Variants in FBXL7 observed in about 807,000 individuals in gnomAD.
FBXL7 encodes the protein F-box/LRR-repeat protein 7.
In FBXL7, 12 loss-of-function variants were observed where a neutral mutation model predicts 38.3. The observed-to-expected ratio is 0.31, with a 90% CI of 0.20 to 0.51. The LOEUF (loss-of-function observed/expected upper bound fraction) is 0.51. Ranked by LOEUF, FBXL7 falls within the 20% of genes least tolerant of loss-of-function variation. The pLI is 0.98. For missense variants in FBXL7, 567 were observed against 676.4 expected, an observed-to-expected ratio of 0.84 and a Z score of 1.79; for synonymous variants, 297 against 300.9, an observed-to-expected ratio of 0.99 and a Z score of 0.13.
intron 2 of FBXL7, among the ~76,000 whole-genome samples, chr5:15,861,115 G>A (rs1275243376): frequency 6.6e-6 from 1 of 152,130 alleles, no homozygotes; most frequent in African/African-American, 2.4e-5. Context: ...CAAGATAATA[G>A]GTGGTTTCTT....
chr5:15,809,239 G>A (rs2126750750), intron 2 of FBXL7, among the ~76,000 whole-genome samples: 1 of 152,268 alleles, frequency 6.6e-6, no homozygotes, highest in African/African-American at 2.4e-5. Flanking sequence ...TTTGAACGTT[G>A]AACTTTGGGA....
intron 2 of FBXL7, among the ~76,000 whole-genome samples, chr5:15,714,835 C>A (rs1213429753): frequency 8.6e-6 from 1 of 115,936 alleles, no homozygotes; most frequent in African/African-American, 3.4e-5. Flanking sequence ...GGCAACAGAG[C>A]GAGAGTCCGT....
chr5:15,861,846 T>C (rs1282317082), intron 2 of FBXL7, among the ~76,000 whole-genome samples: 1 of 152,212 alleles, frequency 6.6e-6, no homozygotes, highest in East Asian at 1.9e-4. Flanking sequence ...ATATCCGCCA[T>C]ATTCCAACTC....
chr5:15,660,417 C>T (rs577810039), intron 2 of FBXL7, among the ~76,000 whole-genome samples: 59 of 152,312 alleles, frequency 3.9e-4, no homozygotes, highest in Admixed American at 1.0e-3. Context: ...AGTGCAATGG[C>T]GTGGTCTCGG....
intron 1 of FBXL7, among the ~76,000 whole-genome samples, chr5:15,522,586 G>T (rs1407325898): frequency 6.6e-6 from 1 of 152,168 alleles, no homozygotes; most frequent in African/African-American, 2.4e-5. Context: ...ACTGCCCCAG[G>T]TCTCTGTGTA....
intron 2 of FBXL7, among the ~76,000 whole-genome samples, chr5:15,815,278 G>A (rs1452528779): frequency 1.3e-5 from 2 of 152,102 alleles, no homozygotes; most frequent in Non-Finnish European, 2.9e-5. Context: ...CTTCTTGGAG[G>A]CAAGGAAACA....
chr5:15,666,938 G>C (rs1187329017), intron 2 of FBXL7, among the ~76,000 whole-genome samples: 1 of 152,164 alleles, frequency 6.6e-6, no homozygotes, highest in Non-Finnish European at 1.5e-5. Context: ...TTATTAGTGT[G>C]ACGTCAAGTT....
intron 2 of FBXL7, among the ~76,000 whole-genome samples, chr5:15,800,187 G>C (rs1737525166): frequency 6.6e-6 from 1 of 152,202 alleles, no homozygotes; most frequent in Admixed American, 6.5e-5. Flanking sequence ...AGTGGAAGTA[G>C]ATTGATTTTG....
chr5:15,896,155 T>C (rs1274210398), intron 2 of FBXL7, among the ~76,000 whole-genome samples: 1 of 151,792 alleles, frequency 6.6e-6, no homozygotes, highest in Non-Finnish European at 1.5e-5. Context: ...CTCCCAAGTA[T>C]GTGGGATTAC....
intron 2 of FBXL7, among the ~76,000 whole-genome samples, chr5:15,722,405 C>G (rs987806502): frequency 6.6e-6 from 1 of 152,152 alleles, no homozygotes; most frequent in East Asian, 1.9e-4. Flanking sequence ...CACGTCCAGG[C>G]TCCACCCTCC....
intron 2 of FBXL7, among the ~76,000 whole-genome samples, chr5:15,645,348 T>C (rs1741497103): frequency 6.6e-6 from 1 of 152,176 alleles, no homozygotes; most frequent in Admixed American, 6.5e-5. Flanking sequence ...GCATATCTGG[T>C]TGCCTCCTTT....
intron 2 of FBXL7, among the ~76,000 whole-genome samples, chr5:15,892,418 T>A (rs1740940347): frequency 6.6e-6 from 1 of 152,028 alleles, no homozygotes. Context: ...CATGCAGCTG[T>A]GTGGAAGACA....
chr5:15,689,295 C>T (rs527769613), intron 2 of FBXL7, among the ~76,000 whole-genome samples: 2 of 146,614 alleles, frequency 1.4e-5, no homozygotes, highest in East Asian at 4.0e-4. Context: ...GAAAAATGCA[C>T]AAGGTAATGT....
At chr5:15,542,672 A>C (rs976306255) in intron 1 of FBXL7, among the ~76,000 whole-genome samples, 6 of 152,200 alleles carry the variant, frequency 3.9e-5, no homozygotes, top group African/African-American at 1.4e-4. Flanking sequence ...ACCTTTTGTG[A>C]TGTCAGTAGA....
intron 2 of FBXL7, among the ~76,000 whole-genome samples, chr5:15,914,664 C>A (rs1287931798): frequency 6.6e-6 from 1 of 152,208 alleles, no homozygotes; most frequent in African/African-American, 2.4e-5. Flanking sequence ...AATGTTCCAA[C>A]TTCTTCAATC....
rs1311079619 is a variant in FBXL7 at position 15,616,866 on chromosome 5, C to T, written c.127+794C>T. Reference sequence around the variant, plus strand: ...TTGGATTAAAGTCCAGTTTAAACATCGACGCCATTGATAATGAAAGACCTT... The same window carrying T: ...TTGGATTAAAGTCCAGTTTAAACATTGACGCCATTGATAATGAAAGACCTT... On this transcript the variant is annotated intron_variant, in intron 2 of 3. Coordinates refer to ENST00000504595, the MANE Select transcript of FBXL7 (RefSeq NM_012304.5). 3.9e-5 allele frequency among the ~76,000 whole-genome samples: 6 copies of T among 152,202 alleles called. No individual in the cohort carries two copies. In the South Asian group the frequency reaches 1.0e-3, roughly 26 times the overall value.
intron 1 of FBXL7, among the ~76,000 whole-genome samples, chr5:15,577,042 T>G (rs1440746327): frequency 6.6e-6 from 1 of 152,256 alleles, no homozygotes; most frequent in Non-Finnish European, 1.5e-5. Context: ...AAAGGCTTTA[T>G]TAAACATGAA....
At chr5:15,793,555 C>T (rs1251166482) in intron 2 of FBXL7, among the ~76,000 whole-genome samples, 5 of 152,230 alleles carry the variant, frequency 3.3e-5, no homozygotes, top group Non-Finnish European at 5.9e-5. Context: ...AATAAGGTGA[C>T]GTTGCTAGGT....
intron 2 of FBXL7, among the ~76,000 whole-genome samples, chr5:15,724,063 T>A (rs1322603846): frequency 2.0e-5 from 3 of 152,168 alleles, no homozygotes; most frequent in African/African-American, 7.2e-5. Context: ...AATTTTAAAA[T>A]TATTTTGTAA....
Sources: gnomAD v4.1 joint callset for allele counts (sites outside exome capture counted in the v4.1 genomes callset) on GRCh38, gnomAD v4.1.1 for gene constraint, MANE v1.5 for transcripts, NCBI Gene and HGNC (gene_info 2026-07-23, HGNC 2026-07-21) for gene names.